The following CDH4 variants were observed in gnomAD, a reference collection of about 807,000 sequenced individuals.
CDH4 encodes cadherin-4.
In CDH4, 33 loss-of-function variants were observed where a neutral mutation model predicts 86.0. The ratio of observed to expected loss-of-function variants is 0.38; its 90% CI spans 0.29 to 0.51. The LOEUF (loss-of-function observed/expected upper bound fraction) is 0.51, where lower values mean the gene tolerates loss of function less well. Among genes scored for constraint, CDH4 ranks in the 20% least tolerant of loss-of-function variants. The probability of loss-of-function intolerance (pLI) is 0.86; values close to 1 mark genes in which losing one functional copy is unlikely to be tolerated. For synonymous variants in CDH4, 555 were observed against 549.4 expected, an observed-to-expected ratio of 1.01 and a Z score of -0.14; for missense variants, 1,114 against 1,307.4, an observed-to-expected ratio of 0.85 and a Z score of 2.28.
intron 2 of CDH4, among the ~76,000 whole-genome samples, chr20:61,379,864 AAAAAT>A (rs1382965230): frequency 1.3e-5 from 2 of 152,236 alleles, no homozygotes; most frequent in African/African-American, 4.8e-5. Context: ...AAAATGACTC[AAAAAT>A]AGGTAGCATT....
intron 2 of CDH4, among the ~76,000 whole-genome samples, chr20:61,711,731 G>A (rs542574942): frequency 2.6e-5 from 4 of 152,330 alleles, no homozygotes; most frequent in Admixed American, 2.6e-4. Context: ...TATTCTGCCT[G>A]CCCTGGGGGA....
At chr20:61,838,075 G>A (rs1034467190) in intron 4 of CDH4, among the ~76,000 whole-genome samples, 3 of 151,902 alleles carry the variant, frequency 2.0e-5, no homozygotes, top group African/African-American at 7.3e-5. Flanking sequence ...GCTCCAGGAG[G>A]CCTCCTTAGG....
chr20:61,513,755 C>A (rs760127841), intron 2 of CDH4, among the ~76,000 whole-genome samples: 2 of 152,192 alleles, frequency 1.3e-5, no homozygotes, highest in Non-Finnish European at 2.9e-5. Flanking sequence ...AAGCGACCAC[C>A]CCTTCCCTAG....
chr20:61,929,294 G>A (rs772443164), intron 12 of CDH4, among the ~76,000 whole-genome samples: 24 of 151,844 alleles, frequency 1.6e-4, no homozygotes, highest in African/African-American at 2.2e-4. Context: ...TGCACCACAC[G>A]CCCGGCTAAT....
At chr20:61,294,376 C>T (rs576899189) in intron 2 of CDH4, among the ~76,000 whole-genome samples, 86 of 152,314 alleles carry the variant, frequency 5.6e-4, no homozygotes, top group African/African-American at 1.9e-3. Flanking sequence ...TCTGTGGTCT[C>T]GCCATCTGGG....
intron 2 of CDH4, among the ~76,000 whole-genome samples, chr20:61,331,635 A>ACCTGCCCCAGACCCACCTCCTGACCC (rs2084576921): frequency 2.7e-4 from 2 of 7,512 alleles, no homozygotes; most frequent in Non-Finnish European, 6.1e-4. Flanking sequence ...CTCCTGCCCC[A>ACCTGCCCCAGACCCACCTCCTGACCC]GACCCACCTC....
At chr20:61,253,117 G>A (rs1018887734) in intron 1 of CDH4, among the ~76,000 whole-genome samples, 8 of 151,534 alleles carry the variant, frequency 5.3e-5, no homozygotes, top group East Asian at 1.9e-4. Flanking sequence ...GTGCCGGCAG[G>A]ACCCGCGCTG....
chr20:61,910,275 G>A (rs1285491354), intron 8 of CDH4, 147 bp from the exon 9 acceptor site: 4 of 686,062 alleles, frequency 5.8e-6, no homozygotes, highest in Non-Finnish European at 1.0e-5. Flanking sequence ...CTGACACGGT[G>A]TGTTCTGTTT....
intron 2 of CDH4, among the ~76,000 whole-genome samples, chr20:61,547,688 G>A (rs2086098978): frequency 6.6e-6 from 1 of 152,134 alleles, no homozygotes; most frequent in Non-Finnish European, 1.5e-5. Flanking sequence ...ATGTTCCCGA[G>A]CTCCTGCCCC....
intron 5 of CDH4, among the ~76,000 whole-genome samples, chr20:61,851,064 A>C (rs1470305089): frequency 6.6e-6 from 1 of 152,234 alleles, no homozygotes; most frequent in South Asian, 2.1e-4. Flanking sequence ...CCATAGCAGG[A>C]CGGAGCTGCA....
intron 2 of CDH4, among the ~76,000 whole-genome samples, chr20:61,655,941 CT>C (rs2087182569): frequency 6.6e-6 from 1 of 152,222 alleles, no homozygotes; most frequent in Non-Finnish European, 1.5e-5. Flanking sequence ...TGAACATCAC[CT>C]TGTTGTAAGA....
chr20:61,548,853 T>C (rs368189248), intron 2 of CDH4, among the ~76,000 whole-genome samples: 13 of 152,300 alleles, frequency 8.5e-5, no homozygotes, highest in East Asian at 3.9e-4. Context: ...GATTGGAACA[T>C]TATCATCAAA....
intron 2 of CDH4, among the ~76,000 whole-genome samples, chr20:61,515,537 G>A (rs542162654): frequency 6.6e-5 from 10 of 152,312 alleles, no homozygotes; most frequent in Admixed American, 2.6e-4. Flanking sequence ...CCTGTTGGGA[G>A]TCGGTTGTCC....
At position 61,362,024 on chromosome 20, in the gene CDH4, C is replaced by T. The variant is rs927583113; in HGVS notation, c.169+107087C>T. 3.9e-5 allele frequency among the ~76,000 whole-genome samples: 6 copies of T among 152,222 alleles called. No individual in the cohort carries two copies. The East Asian group carries it at 7.7e-4, about 20-fold the overall frequency. On this transcript the variant is annotated intron_variant, in intron 2 of 15. Coordinates refer to ENST00000614565, the MANE Select transcript of CDH4 (RefSeq NM_001794.5). ...AGTGTCTTGCCCAGTTGGAGCAGCT[C>T]GGAGAGCAGTGGGTGCTGGTGAAGA... is the stretch of plus-strand genomic sequence containing the variant.
chr20:61,748,834 C>A (rs79240145), intron 3 of CDH4, among the ~76,000 whole-genome samples: 1 of 119,232 alleles, frequency 8.4e-6, no homozygotes, highest in South Asian at 3.4e-4. Context: ...TAAGTAGTAA[C>A]GTAATAAAAG....
In CDH4 at chr20:61,676,243, G is replaced by A. The variant is rs926237782; in HGVS notation, c.170-67320G>A. On this transcript the variant is annotated intron_variant, in intron 2 of 15. Transcript: ENST00000614565. This position sits in a 1 kb window ranked among gnomAD's most constrained non-coding sequence, Gnocchi z 4.5. ...CAGGAACGGTCAGGAACGGTGGGCTGTAATTGACTCAAGTCTATTTGCCAG... is the reference window on the plus strand; with the variant it reads ...CAGGAACGGTCAGGAACGGTGGGCTATAATTGACTCAAGTCTATTTGCCAG... 3.3e-5 allele frequency among the ~76,000 whole-genome samples: 5 copies of A among 152,214 alleles called. No individual in the cohort carries two copies. Among genetic ancestry groups the A allele is most frequent in the African/African-American group, 1.2e-4 (5 of 41,468 alleles).
chr20:61,619,602 C>T (rs2086753487), intron 2 of CDH4, among the ~76,000 whole-genome samples: 1 of 152,212 alleles, frequency 6.6e-6, no homozygotes, highest in Non-Finnish European at 1.5e-5. Context: ...GATGTCTGCT[C>T]AAGTCTGGTT....
At chr20:61,330,172 G>T (rs922471807) in intron 2 of CDH4, among the ~76,000 whole-genome samples, 3 of 152,100 alleles carry the variant, frequency 2.0e-5, no homozygotes, top group Non-Finnish European at 2.9e-5. Flanking sequence ...CTTTATAATA[G>T]AATGATTTAT....
intron 7 of CDH4, among the ~76,000 whole-genome samples, chr20:61,882,809 A>G (rs60822114): frequency 0.01 from 1,591 of 152,136 alleles, 18 homozygotes; most frequent in African/African-American, 0.036. Context: ...CCCAGGTGGC[A>G]TGGGCCGCCC....
Sources: gnomAD v4.1 joint callset for allele counts (sites outside exome capture counted in the v4.1 genomes callset) on GRCh38, gnomAD v4.1.1 for gene constraint, Gnocchi (gnomAD v3.1) non-coding constraint, MANE v1.5 for transcripts, NCBI Gene and HGNC (gene_info 2026-07-23, HGNC 2026-07-21) for gene names.